INF2: variants seen among roughly 807,000 people sequenced by gnomAD.
The protein encoded by INF2 is inverted formin-2.
Under a neutral mutation model 123.5 loss-of-function variants are expected in INF2, and 43 were observed. The ratio of observed to expected loss-of-function variants is 0.35; its 90% CI spans 0.27 to 0.45. The LOEUF (loss-of-function observed/expected upper bound fraction) is 0.45, where lower values mean the gene tolerates loss of function less well. Ranked by LOEUF, INF2 falls within the 20% of genes least tolerant of loss-of-function variation. The pLI is 1.00. For missense variants in INF2, 1,453 were observed against 1,682.7 expected, an observed-to-expected ratio of 0.86 and a Z score of 2.39; for synonymous variants, 851 against 745.0, an observed-to-expected ratio of 1.14 and a Z score of -2.32.
upstream of INF2, among the ~76,000 whole-genome samples, chr14:104,687,803 T>C (rs1888708055): frequency 6.6e-6 from 1 of 152,090 alleles, no homozygotes; most frequent in African/African-American, 2.4e-5. This position sits in a 1 kb window ranked among gnomAD's most constrained non-coding sequence, Gnocchi z 5.6. Flanking sequence ...GACTCTGACT[T>C]TCCCCCAGGC....
intron 1 of INF2, among the ~76,000 whole-genome samples, chr14:104,693,716 G>A (rs753725863): frequency 2.6e-5 from 4 of 152,210 alleles, no homozygotes; most frequent in Non-Finnish European, 4.4e-5. Context: ...GGCCCTCGCC[G>A]GGTCGGGGGT....
intron 1 of INF2, among the ~76,000 whole-genome samples, chr14:104,694,064 C>G (rs1043244661): frequency 2.0e-5 from 3 of 152,206 alleles, no homozygotes; most frequent in South Asian, 4.1e-4. Context: ...TGCAGAGGGC[C>G]CCCCCGGCTG....
At chr14:104,693,437 T>G (rs924600033) in intron 1 of INF2, among the ~76,000 whole-genome samples, 1 of 152,212 alleles carries the variant, frequency 6.6e-6, no homozygotes, top group African/African-American at 2.4e-5. Context: ...CTTCCCATTT[T>G]GCAGACGAGG....
chr14:104,698,817 C>T (rs1196808832), intron 1 of INF2, among the ~76,000 whole-genome samples: 4 of 152,176 alleles, frequency 2.6e-5, no homozygotes, highest in African/African-American at 7.2e-5. Flanking sequence ...GGGCCTCAGC[C>T]GGAGCCCTGT....
chr14:104,699,967 G>A lies in INF2; in HGVS notation c.-9-1390G>A, dbSNP rs1445477596. On this transcript the variant is annotated intron_variant, in intron 1 of 22. Coordinates refer to ENST00000392634, the MANE Select transcript of INF2 (RefSeq NM_022489.4). The surrounding 1 kb of genome is among the most constrained non-coding windows in gnomAD (Gnocchi z 4.7). ...GGCTGAGGGGCGGTGCGGGGAGTAG[G>A]GGCTGGACTGCCGGAAACACCAGGC... 1.3e-5 allele frequency among the ~76,000 whole-genome samples: 2 copies of A among 152,152 alleles called. No homozygotes were observed. The highest frequency in any genetic ancestry group is 2.9e-5 in the Non-Finnish European group (2 of 67,998).
At chr14:104,712,732 G>C in intron 17 of INF2, 96 bp from the exon 18 acceptor site, 1 of 1,486,158 alleles carries the variant, frequency 6.7e-7, no homozygotes, top group Non-Finnish European at 9.1e-7. Context: ...CTCAGGGCCT[G>C]TCCCTGTGGC....
chr14:104,712,298 C>A, intron 16 of INF2, 135 bp from the exon 17 acceptor site: 2 of 1,205,054 alleles, frequency 1.7e-6, no homozygotes, highest in Non-Finnish European at 1.2e-6. Context: ...AACCCCAACA[C>A]TGCACGTGCA....
At chr14:104,709,252 AC>A (rs1449645404) in intron 10 of INF2, 28 bp from the exon 11 acceptor site, 2 of 1,568,100 alleles carry the variant, frequency 1.3e-6, no homozygotes, top group Non-Finnish European at 1.7e-6. Context: ...TGATTCACTC[AC>A]CCCTGCCCGG....
chr14:104,708,110 G>T (rs546751642), intron 8 of INF2, 108 bp downstream of exon 8: 1 of 1,529,984 alleles, frequency 6.5e-7, no homozygotes, highest in South Asian at 1.2e-5. Context: ...TCCTGCCCGT[G>T]CGTGGCCAGG....
intron 20 of INF2, among the ~76,000 whole-genome samples, chr14:104,713,895 T>C (rs1160976564): frequency 6.6e-6 from 1 of 152,228 alleles, no homozygotes; most frequent in Non-Finnish European, 1.5e-5. Flanking sequence ...CACTGACCGA[T>C]GCCCTTGGGC....
intron 1 of INF2, among the ~76,000 whole-genome samples, chr14:104,697,071 G>T (rs1889225125): frequency 6.6e-6 from 1 of 152,222 alleles, no homozygotes; most frequent in Non-Finnish European, 1.5e-5. Context: ...TCAGGGCTTG[G>T]CCTGTTCCTC....
upstream of INF2, among the ~76,000 whole-genome samples, chr14:104,688,456 C>G (rs755795257): frequency 1.3e-5 from 2 of 152,274 alleles, no homozygotes; most frequent in Non-Finnish European, 2.9e-5. Context: ...TCCCCTCGCC[C>G]TCACCCTGAG....
chr14:104,711,268 C>A, intron 15 of INF2, 82 bp downstream of exon 15: 1 of 1,184,824 alleles, frequency 8.4e-7, no homozygotes, highest in South Asian at 1.3e-5. Flanking sequence ...GGCCATACCC[C>A]CATGCCCACC....
chr14:104,705,325 G>A (rs1434138403), intron 5 of INF2, among the ~76,000 whole-genome samples: 1 of 152,136 alleles, frequency 6.6e-6, no homozygotes, highest in African/African-American at 2.4e-5. Flanking sequence ...GCTGAGGCAG[G>A]ACAATCATTG....
At chr14:104,696,729 G>T (rs1889210628) in intron 1 of INF2, among the ~76,000 whole-genome samples, 1 of 152,112 alleles carries the variant, frequency 6.6e-6, no homozygotes, top group African/African-American at 2.4e-5. Flanking sequence ...AAAAATTGGG[G>T]CTCTCGGAGG....
intron 5 of INF2, chr14:104,704,550 C>T (rs1638734772): frequency 6.3e-6 from 1 of 159,488 alleles, no homozygotes; most frequent in South Asian, 1.8e-4. Flanking sequence ...CCAGCGCACG[C>T]ACGCGCGCAA....
At chr14:104,681,638 C>T (rs1398736389) in intron 1 of INF2, 1 of 1,271,474 alleles carries the variant, frequency 7.9e-7, no homozygotes, top group African/African-American at 1.5e-5. Flanking sequence ...GCAGAGCAGA[C>T]ACGGGGGCGG....
Position 104,699,666 on chromosome 14 carries a change from C to G in INF2, c.-9-1691C>G. ...GAGGGTGGCTTAAAACCACAGTGCA[C>G]CGGGGGCTCCGGGCTCTCCGTTCTA... On this transcript the variant is annotated intron_variant, in intron 1 of 22. Coordinates refer to ENST00000392634, the MANE Select transcript of INF2 (RefSeq NM_022489.4). The surrounding 1 kb of genome is among the most constrained non-coding windows in gnomAD (Gnocchi z 4.7). 1.2e-6 allele frequency: 1 copy of G among 838,674 alleles called. No individual in the cohort carries two copies. Among genetic ancestry groups the G allele is most frequent in the Non-Finnish European group, 1.4e-6 (1 of 696,446 alleles). The allele number at this position is 838,674 out of a possible 1,614,324, so 52.0% of individuals were successfully genotyped here.
intron 6 of INF2, among the ~76,000 whole-genome samples, chr14:104,706,436 G>A (rs1889783462): frequency 6.6e-6 from 1 of 152,184 alleles, no homozygotes; most frequent in Admixed American, 6.5e-5. Flanking sequence ...CCAGAAGGAC[G>A]GGGCTCCAAA....
Sources: allele counts gnomAD v4.1 joint callset (sites outside exome capture counted in the v4.1 genomes callset), GRCh38; gene constraint gnomAD v4.1.1; non-coding constraint Gnocchi (gnomAD v3.1); transcripts MANE v1.5; gene names NCBI Gene and HGNC (gene_info 2026-07-23, HGNC 2026-07-21).